Variants in MYOM3 observed in about 807,000 individuals in gnomAD.
MYOM3 encodes the protein myomesin 3, also known as myomesin-3.
A neutral mutation model predicts 191.7 loss-of-function variants in MYOM3; 155 were observed. The ratio of observed to expected loss-of-function variants is 0.81; its 90% CI spans 0.71 to 0.92. The LOEUF (loss-of-function observed/expected upper bound fraction) is 0.92, where lower values mean the gene tolerates loss of function less well. Ranked by LOEUF, MYOM3 falls within the 40% of genes least tolerant of loss-of-function variation. MYOM3 has a pLI of 0.00. For synonymous variants in MYOM3, 757 were observed against 762.9 expected (o/e 0.99, Z 0.13); for missense variants, 1,889 against 1,890.6 (o/e 1.00, Z 0.02).
rs1259758936 is a variant in MYOM3 at position 24,092,316 on chromosome 1, C to T, written c.1091-1G>A. ...GCCCCGGGGTTCTCGGCCTCGGCAT[C>T]TGAAACCCGGGGGTGAGAGGGAGGC... On this transcript the variant is annotated splice_acceptor_variant, in intron 10 of 36. Coordinates refer to ENST00000374434, the MANE Select transcript of MYOM3 (RefSeq NM_152372.4). LOFTEE classifies it high-confidence loss of function. 7.4e-7 allele frequency: 1 copy of T among 1,351,786 alleles called. No individual in the cohort carries two copies. Among genetic ancestry groups the T allele is most frequent in the Admixed American group, 2.9e-5 (1 of 34,116 alleles). 83.7% of individuals were successfully genotyped at this position (1,351,786 alleles called of 1,614,324 possible). A position where few individuals can be genotyped will look rare whatever the true frequency, so the allele number is the denominator to read the frequency against.
intron 5 of MYOM3, among the ~76,000 whole-genome samples, chr1:24,101,870 T>C (rs1643939775): frequency 6.6e-6 from 1 of 152,214 alleles, no homozygotes; most frequent in African/African-American, 2.4e-5. Flanking sequence ...CCCCGTGTTG[T>C]GTGAACAGGA....
chr1:24,061,891 C>A, intron 33 of MYOM3, 55 bp downstream of exon 33: 1 of 1,600,888 alleles, frequency 6.2e-7, no homozygotes, highest in Non-Finnish European at 8.5e-7. Flanking sequence ...TGTGCCCAGA[C>A]TGTCCATGGG....
At chr1:24,068,078 C>T (rs1643475516) in intron 26 of MYOM3, 49 bp from the exon 27 acceptor site, 1 of 1,604,716 alleles carries the variant, frequency 6.2e-7, no homozygotes, top group Non-Finnish European at 8.5e-7. Context: ...GAGTGTGGGT[C>T]TGGAGAGGGG....
intron 1 of MYOM3, among the ~76,000 whole-genome samples, chr1:24,110,062 G>T (rs1483860986): frequency 6.6e-6 from 1 of 152,226 alleles, no homozygotes; most frequent in Non-Finnish European, 1.5e-5. Context: ...CTGGCTGTGG[G>T]TTTTTGCACT....
rs1292944388 is a variant in MYOM3 at position 24,111,326 on chromosome 1, G to A, written c.-19+705C>T. The stretch of plus-strand genomic sequence containing the variant: ...AGGAGGCCTCTCCCCTTCTTCAGGA[G>A]GGAAAGAGGAATGCACAGCAGTTGA... On this transcript the variant is annotated intron_variant, in intron 1 of 36. Transcript: ENST00000374434. The surrounding 1 kb of genome is among the most constrained non-coding windows in gnomAD (Gnocchi z 4.7). Among the ~76,000 whole-genome samples, 1 of 152,236 alleles carries A rather than the reference G, an allele frequency of 6.6e-6. No individual in the cohort carries two copies. The highest frequency in any genetic ancestry group is 1.5e-5 in the Non-Finnish European group (1 of 68,040).
Position 24,076,243 on chromosome 1 carries a change from C to A in MYOM3, c.2617G>T (p.Val873Leu). 3 of 1,614,140 alleles carry A rather than the reference C, an allele frequency of 1.9e-6. No individual in the cohort carries two copies. Among genetic ancestry groups the A allele is most frequent in the Middle Eastern group, 1.6e-4 (1 of 6,062 alleles). The change falls in exon 21 of 37, where the codon GTG (valine) becomes TTG (leucine). Residue 873 changes from valine to leucine, a missense_variant. Coordinates refer to ENST00000374434, the MANE Select transcript of MYOM3 (RefSeq NM_152372.4). The part of the protein sequence containing the change: ...VSDLQPGKSY[V>L]FQVQAMNSAG... ...GAATTCATGGCCTGTACCTGGAACA[C>A]GTAACTCTTTCCTGGCTGCAAGTCG...
At chr1:24,107,275 A>C in intron 3 of MYOM3, 43 bp from the exon 4 acceptor site, 2 of 1,533,434 alleles carry the variant, frequency 1.3e-6, no homozygotes, top group Non-Finnish European at 1.8e-6. Context: ...GGGATGGGGG[A>C]TGCCTGGGGC....
intron 20 of MYOM3, among the ~76,000 whole-genome samples, chr1:24,076,963 A>C (rs1279003053): frequency 1.3e-5 from 2 of 152,130 alleles, no homozygotes; most frequent in African/African-American, 2.4e-5. Context: ...CTGGTACTAC[A>C]GGCACCCACC....
intron 12 of MYOM3, among the ~76,000 whole-genome samples, chr1:24,090,499 G>T (rs189170428): frequency 6.6e-6 from 1 of 152,278 alleles, no homozygotes; most frequent in African/African-American, 2.4e-5. Context: ...GCTGGGGTAG[G>T]GTGCTCCCTC....
intron 16 of MYOM3, 121 bp from the exon 17 acceptor site, chr1:24,082,835 C>A (rs1643690375): frequency 2.4e-6 from 3 of 1,257,900 alleles, no homozygotes; most frequent in Admixed American, 3.0e-5. Flanking sequence ...AGGTTCAGGT[C>A]AATTCTTCCT....
chr1:24,069,637 T>C (rs944910625), intron 25 of MYOM3, among the ~76,000 whole-genome samples: 2 of 146,704 alleles, frequency 1.4e-5, no homozygotes, highest in Non-Finnish European at 3.0e-5. Context: ...TGAGACAGAG[T>C]CTCACTTTAT....
chr1:24,094,257 T>C (rs937138965), intron 9 of MYOM3, among the ~76,000 whole-genome samples: 21 of 150,776 alleles, frequency 1.4e-4, no homozygotes, highest in Admixed American at 1.3e-3. Context: ...CTGCGACCTC[T>C]GCCTCCTGGG....
chr1:24,057,226 A>G lies in MYOM3; in HGVS notation c.*138T>C. 1 of 815,854 alleles carries G rather than the reference A, an allele frequency of 1.2e-6. No individual in the cohort carries two copies. The highest frequency in any genetic ancestry group is 1.9e-6 in the Non-Finnish European group (1 of 532,122). 50.5% of individuals were successfully genotyped at this position (815,854 alleles called of 1,614,324 possible). On this transcript the variant is annotated 3_prime_UTR_variant, in exon 37 of 37. Coordinates refer to ENST00000374434, the MANE Select transcript of MYOM3 (RefSeq NM_152372.4). The stretch of plus-strand genomic sequence containing the variant: ...ACTTTGGTGCATCCGCTCCACCCCC[A>G]CCCTCACATCCTGGGTTCTATCTTG...
At chr1:24,079,304 G>C (rs1643639442) in intron 20 of MYOM3, among the ~76,000 whole-genome samples, 1 of 151,866 alleles carries the variant, frequency 6.6e-6, no homozygotes, top group Non-Finnish European at 1.5e-5. Context: ...GGGCTCAGGT[G>C]ATCCTCCCAC....
Position 24,090,780 on chromosome 1 carries a change from A to G in MYOM3, c.1432+17T>C. 4 of 1,613,182 alleles carry G rather than the reference A, an allele frequency of 2.5e-6. No homozygotes were observed. Among genetic ancestry groups the G allele is most frequent in the Non-Finnish European group, 3.4e-6 (4 of 1,179,318 alleles). ...TGACTGATGTTCTAGAAAGTCGCTT[A>G]GGACCTCTGTACCCACCTGTCTTCC... On this transcript the variant is annotated intron_variant, in intron 12 of 36. Transcript: ENST00000374434.
intron 5 of MYOM3, among the ~76,000 whole-genome samples, chr1:24,100,125 T>G (rs1173066906): frequency 1.3e-5 from 2 of 152,102 alleles, no homozygotes; most frequent in Non-Finnish European, 1.5e-5. Flanking sequence ...CGCCTCAGCC[T>G]CCTAAAGTGC....
chr1:24,066,997 G>GGGGCA (rs1187049293), intron 28 of MYOM3, 24 bp downstream of exon 28: 24 of 1,555,892 alleles, frequency 1.5e-5, no homozygotes, highest in Non-Finnish European at 1.9e-5. Context: ...ACTGGGCCTG[G>GGGGCA]GGGCAGGGCA....
chr1:24,084,710 G>A, intron 15 of MYOM3, 71 bp from the exon 16 acceptor site: 2 of 1,378,858 alleles, frequency 1.5e-6, no homozygotes, highest in Non-Finnish European at 1.0e-6. Flanking sequence ...GGAAGGGGAG[G>A]AGCATGGGGA....
intron 4 of MYOM3, among the ~76,000 whole-genome samples, chr1:24,106,465 G>A (rs995040214): frequency 1.3e-5 from 2 of 152,170 alleles, no homozygotes; most frequent in Admixed American, 1.3e-4. Context: ...CAGGGCTAGC[G>A]TTTCCTGAGG....
Sources: allele counts gnomAD v4.1 joint callset (sites outside exome capture counted in the v4.1 genomes callset), GRCh38; gene constraint gnomAD v4.1.1; non-coding constraint Gnocchi (gnomAD v3.1); transcripts MANE v1.5; gene names NCBI Gene and HGNC (gene_info 2026-07-23, HGNC 2026-07-21).